Variants in DOCK10 observed in about 807,000 individuals in gnomAD.
The protein encoded by DOCK10 is dedicator of cytokinesis protein 10.
Under a neutral mutation model 280.1 loss-of-function variants are expected in DOCK10, and 145 were observed. That is an observed-to-expected ratio of 0.52 (90% confidence interval 0.45 to 0.59). The LOEUF is 0.59. DOCK10 is among the 20% of genes least tolerant of loss of function. DOCK10 has a pLI of 0.00. For missense variants in DOCK10, 2,368 were observed against 2,651.7 expected, an observed-to-expected ratio of 0.89 and a Z score of 2.35; for synonymous variants, 915 against 942.2, an observed-to-expected ratio of 0.97 and a Z score of 0.53.
At position 225,016,571 on chromosome 2, in the gene DOCK10, G is replaced by A. The variant is rs374561888; in HGVS notation, c.123+25681C>T. On this transcript the variant is annotated intron_variant, in intron 1 of 55. Transcript: ENST00000258390. The stretch of plus-strand genomic sequence containing the variant: ...TATGCACATAGATACATATATCTAT[G>A]TGCACATAGATACATATATCTATGT... 1.8e-3 allele frequency among the ~76,000 whole-genome samples: 168 copies of A among 92,774 alleles called. 2 individuals are homozygous for A. Among genetic ancestry groups the A allele is most frequent in the African/African-American group, 9.5e-3 (161 of 16,996 alleles). 60.9% of individuals were successfully genotyped at this position (92,774 alleles called of 152,430 possible). A position where few individuals can be genotyped will look rare whatever the true frequency, so the allele number is the denominator to read the frequency against.
chr2:224,957,295 G>GCCCC (rs1326516353), intron 1 of DOCK10, among the ~76,000 whole-genome samples: 1 of 123,758 alleles, frequency 8.1e-6, no homozygotes, highest in African/African-American at 3.0e-5. Context: ...GCCCCCCCCC[G>GCCCC]GCTTTGTTTT....
chr2:224,780,737 T>C (rs1691268795), intron 50 of DOCK10, among the ~76,000 whole-genome samples: 1 of 151,882 alleles, frequency 6.6e-6, no homozygotes, highest in East Asian at 1.9e-4. Flanking sequence ...CCCGTCTCTC[T>C]AAAAATACAA....
intron 1 of DOCK10, among the ~76,000 whole-genome samples, chr2:224,980,321 T>G (rs1374063665): frequency 6.6e-6 from 1 of 152,244 alleles, no homozygotes; most frequent in African/African-American, 2.4e-5. Flanking sequence ...ATACAATAAA[T>G]TTTCAAACCA....
At chr2:224,986,710 C>T (rs923119189) in intron 1 of DOCK10, among the ~76,000 whole-genome samples, 1 of 152,136 alleles carries the variant, frequency 6.6e-6, no homozygotes, top group Non-Finnish European at 1.5e-5. Context: ...AGAGAGTCTT[C>T]ACCAGAAAAC....
chr2:224,791,238 C>G (rs556802412), intron 47 of DOCK10, among the ~76,000 whole-genome samples: 39 of 152,002 alleles, frequency 2.6e-4, no homozygotes, highest in Non-Finnish European at 5.0e-4. Flanking sequence ...TTATGATAAG[C>G]AATAGATGAG....
chr2:225,017,159 G>T (rs1490130835), intron 1 of DOCK10, among the ~76,000 whole-genome samples: 4 of 146,298 alleles, frequency 2.7e-5, no homozygotes, highest in African/African-American at 2.5e-5. Flanking sequence ...GATCTAATTT[G>T]ATCTATTATT....
intron 3 of DOCK10, among the ~76,000 whole-genome samples, chr2:224,905,234 A>ATTTTTTTT (rs201582173): frequency 4.5e-5 from 5 of 111,550 alleles, no homozygotes; most frequent in Admixed American, 9.7e-5. Context: ...CTATGGAACT[A>ATTTTTTTT]TTTTTTTTTT....
At chr2:224,840,523 T>A (rs1695893985) in intron 23 of DOCK10, among the ~76,000 whole-genome samples, 1 of 152,172 alleles carries the variant, frequency 6.6e-6, no homozygotes, top group South Asian at 2.1e-4. Flanking sequence ...TCAACGTCAT[T>A]AATCATTGGA....
chr2:224,804,891 T>A, intron 37 of DOCK10, 50 bp from the exon 38 acceptor site: 1 of 1,366,854 alleles, frequency 7.3e-7, no homozygotes, highest in East Asian at 2.6e-5. Flanking sequence ...TCTTTTATTA[T>A]ACAAACTGTT....
At chr2:224,893,534 C>T (rs2125811614) in intron 4 of DOCK10, 2 of 281,484 alleles carry the variant, frequency 7.1e-6, no homozygotes, top group South Asian at 7.0e-5. Context: ...TTTTATGCTG[C>T]TTTTTTCTTC....
chr2:224,884,609 G>A (rs6751295), intron 7 of DOCK10, among the ~76,000 whole-genome samples: 36,447 of 152,062 alleles, frequency 0.24, 6,071 homozygotes, highest in African/African-American at 0.48. Context: ...ACAGTGGCCC[G>A]TGCTGAATTT....
At position 224,969,288 on chromosome 2, in the gene DOCK10, G is replaced by A. The variant is rs552786720; in HGVS notation, c.124-37620C>T. Among the ~76,000 whole-genome samples, 14 of 152,242 alleles carry A rather than the reference G, an allele frequency of 9.2e-5. 1 individual carries two copies. The highest frequency in any genetic ancestry group is 3.4e-4 in the African/African-American group (14 of 41,544). On this transcript the variant is annotated intron_variant, in intron 1 of 55. Coordinates refer to ENST00000258390, the MANE Select transcript of DOCK10 (RefSeq NM_014689.3). ...TCCACCCTTAAGAAAGTCATCTAAC[G>A]TCTTGGTGTTCTTTAATGACCTTAA...
At chr2:224,784,942 G>A (rs999870983) in intron 50 of DOCK10, among the ~76,000 whole-genome samples, 2 of 152,086 alleles carry the variant, frequency 1.3e-5, no homozygotes, top group Non-Finnish European at 2.9e-5. Flanking sequence ...GAATGCCTGA[G>A]GCTTTATAGA....
chr2:224,860,938 C>T (rs766812246), intron 14 of DOCK10: 2 of 152,092 alleles, frequency 1.3e-5, no homozygotes, highest in East Asian at 1.9e-4. Context: ...GTTTCTAAAA[C>T]CTCAGAGCAA....
chr2:224,797,208 C>A, intron 42 of DOCK10, 62 bp from the exon 43 acceptor site: 3 of 1,226,534 alleles, frequency 2.4e-6, no homozygotes, highest in East Asian at 2.7e-5. Flanking sequence ...TGTTCATTCT[C>A]ATATTTTAAA....
At chr2:224,976,081 A>G (rs1705420287) in intron 1 of DOCK10, among the ~76,000 whole-genome samples, 1 of 152,178 alleles carries the variant, frequency 6.6e-6, no homozygotes, top group Admixed American at 6.5e-5. Context: ...GCAAGACTCC[A>G]TCGCTTTATA....
chr2:224,998,330 G>A (rs1380609850), intron 1 of DOCK10, among the ~76,000 whole-genome samples: 2 of 151,912 alleles, frequency 1.3e-5, no homozygotes, highest in South Asian at 2.1e-4. Flanking sequence ...AGGAGCAAAC[G>A]AACATTACCA....
chr2:224,821,573 T>C (rs2125326968), intron 28 of DOCK10, among the ~76,000 whole-genome samples: 1 of 152,252 alleles, frequency 6.6e-6, no homozygotes, highest in East Asian at 1.9e-4. Context: ...GTGTTCCAAT[T>C]TTTTTTAATA....
intron 7 of DOCK10, among the ~76,000 whole-genome samples, chr2:224,879,053 A>C (rs188727898): frequency 4.6e-5 from 7 of 152,364 alleles, no homozygotes; most frequent in Admixed American, 4.6e-4. Flanking sequence ...ATGTTTTGAA[A>C]AAGAGGTACT....
Sources: gnomAD v4.1 joint callset for allele counts (sites outside exome capture counted in the v4.1 genomes callset) on GRCh38, gnomAD v4.1.1 for gene constraint, MANE v1.5 for transcripts, NCBI Gene and HGNC (gene_info 2026-07-23, HGNC 2026-07-21) for gene names.